ENPP6: variants seen among roughly 807,000 people sequenced by gnomAD.
The protein encoded by ENPP6 is ectonucleotide pyrophosphatase/phosphodiesterase 6.
ENPP6 carries 32 observed loss-of-function variants against 42.0 expected under a neutral mutation model. The ratio of observed to expected loss-of-function variants is 0.76; its 90% CI spans 0.58 to 1.02. ENPP6 has a LOEUF of 1.02. Among genes scored for constraint, ENPP6 ranks in the 50% least tolerant of loss-of-function variants. ENPP6 has a pLI of 0.00. For synonymous variants in ENPP6, 213 were observed against 216.0 expected (o/e 0.99, Z 0.12); for missense variants, 552 against 566.8 (o/e 0.97, Z 0.27).
intron 2 of ENPP6, among the ~76,000 whole-genome samples, chr4:184,129,291 TACACACAC>T (rs60982411): frequency 0.016 from 2,312 of 145,354 alleles, 38 homozygotes; most frequent in African/African-American, 0.028. Context: ...CCCCCCAACA[TACACACAC>T]ACACACACAC....
rs1732600606 is a variant in ENPP6, at chr4:184,184,544, G to A, written c.242-30811C>T. ...AAAGCAAATCGTGGCTCCACAACCT[G>A]TGTCTACCCAGAACCTGCGGAAGTG... is the stretch of plus-strand genomic sequence containing the variant. On this transcript the variant is annotated intron_variant, in intron 1 of 7. Transcript: ENST00000296741. This position sits in a 1 kb window ranked among gnomAD's most constrained non-coding sequence, Gnocchi z 4.7. Among the ~76,000 whole-genome samples the A allele has an allele frequency of 6.6e-6, 1 of 152,200 alleles. No individual in the cohort carries two copies. Among genetic ancestry groups the A allele is most frequent in the Non-Finnish European group, 1.5e-5 (1 of 68,036 alleles).
chr4:184,116,905 T>A lies in ENPP6; in HGVS notation c.806A>T (p.Asp269Val). ...CCAAAGGCTCACAACAGGCCCGCGG[T>A]CCTTCACTTGCTGCAGGTCATTCAG... ...ISLNDLQQVKDRGPVVSLWPA... is the reference protein window; with the variant it reads ...ISLNDLQQVKVRGPVVSLWPA... Residue 269 changes from aspartate to valine, a missense_variant, in exon 5 of 8, where the codon GAC becomes GTC. Around this residue, in one of 2 missense-constraint regions of ENPP6, gnomAD observed 545 missense variants for 546.3 expected, o/e 1.00. Transcript: ENST00000296741. 1 of 1,614,172 alleles carries A rather than the reference T, an allele frequency of 6.2e-7. No individual in the cohort carries two copies. Among genetic ancestry groups the A allele is most frequent in the East Asian group, 2.2e-5 (1 of 44,886 alleles).
intron 1 of ENPP6, among the ~76,000 whole-genome samples, chr4:184,176,626 C>T (rs557424675): frequency 1.3e-4 from 20 of 152,254 alleles, no homozygotes; most frequent in Admixed American, 5.2e-4. Context: ...ACGGGGCCAC[C>T]GAGCTACGTT....
At chr4:184,189,911 G>C (rs939544553) in intron 1 of ENPP6, among the ~76,000 whole-genome samples, 4 of 152,216 alleles carry the variant, frequency 2.6e-5, no homozygotes, top group African/African-American at 7.2e-5. Context: ...GAACTCGTGT[G>C]AGGAGACAAG....
intron 1 of ENPP6, among the ~76,000 whole-genome samples, chr4:184,171,384 G>T (rs1398529611): frequency 2.0e-5 from 3 of 152,224 alleles, no homozygotes; most frequent in Non-Finnish European, 1.5e-5. Context: ...CCCAGATCCA[G>T]AAGTTACATA....
intron 1 of ENPP6, among the ~76,000 whole-genome samples, chr4:184,167,627 G>A (rs568911562): frequency 2.0e-5 from 3 of 152,304 alleles, no homozygotes; most frequent in Admixed American, 6.5e-5. Flanking sequence ...GTGGAAGCAA[G>A]CTCATTTTTG....
At position 184,164,801 on chromosome 4, in the gene ENPP6, G is replaced by A. The variant is rs530617578; in HGVS notation, c.242-11068C>T. ...CCCGCTTTCCAGGTAAAGTAACTGA[G>A]GGGCAGAGAAGGTGAGTTGCCTGAA... On this transcript the variant is annotated intron_variant, in intron 1 of 7. Transcript: ENST00000296741. Among the ~76,000 whole-genome samples the A allele has an allele frequency of 2.6e-5, 4 of 152,328 alleles. No individual in the cohort carries two copies. The East Asian group carries it at 5.8e-4, about 22-fold the overall frequency.
intron 1 of ENPP6, among the ~76,000 whole-genome samples, chr4:184,157,156 G>A (rs1560995591): frequency 6.6e-6 from 1 of 152,204 alleles, no homozygotes; most frequent in Non-Finnish European, 1.5e-5. Context: ...CAAGAGTTCT[G>A]TTGAGTAGAT....
chr4:184,130,505 C>A (rs1446666745), intron 2 of ENPP6, among the ~76,000 whole-genome samples: 1 of 78,850 alleles, frequency 1.3e-5, no homozygotes, highest in Non-Finnish European at 2.9e-5. Flanking sequence ...TTGCAGTGAG[C>A]CGAGATCACA....
chr4:184,109,684 A>G (rs1736167072), intron 6 of ENPP6, among the ~76,000 whole-genome samples: 1 of 152,158 alleles, frequency 6.6e-6, no homozygotes, highest in East Asian at 1.9e-4. Flanking sequence ...ATTACCTCAA[A>G]TCTTCCTTTG....
intron 6 of ENPP6, among the ~76,000 whole-genome samples, chr4:184,110,797 A>C (rs1248355797): frequency 6.6e-6 from 1 of 152,158 alleles, no homozygotes; most frequent in Admixed American, 6.5e-5. Flanking sequence ...TGGGATAGTA[A>C]ATCCTTTTTG....
At chr4:184,131,820 CACACATATAT>C (rs1736640788) in intron 2 of ENPP6, among the ~76,000 whole-genome samples, 1 of 141,156 alleles carries the variant, frequency 7.1e-6, no homozygotes, top group Non-Finnish European at 1.5e-5. Context: ...CACACACACA[CACACATATAT>C]ATATATATAA....
At chr4:184,126,163 T>C in intron 2 of ENPP6, among the ~76,000 whole-genome samples, 1 of 152,214 alleles carries the variant, frequency 6.6e-6, no homozygotes, top group East Asian at 1.9e-4. Flanking sequence ...TATAAAACTA[T>C]AAATGTTTTT....
At chr4:184,212,008 T>C (rs1191489498) in intron 1 of ENPP6, among the ~76,000 whole-genome samples, 1 of 149,500 alleles carries the variant, frequency 6.7e-6, no homozygotes, top group African/African-American at 2.5e-5. Flanking sequence ...TCTCAATAGA[T>C]GCAGAAAAAG....
intron 6 of ENPP6, among the ~76,000 whole-genome samples, chr4:184,102,181 T>C (rs923581613): frequency 6.6e-6 from 1 of 152,220 alleles, no homozygotes; most frequent in Non-Finnish European, 1.5e-5. Context: ...TACAGTTTGT[T>C]CGACACTTGC....
At chr4:184,123,139 G>C (rs1277608976) in intron 3 of ENPP6, among the ~76,000 whole-genome samples, 1 of 152,236 alleles carries the variant, frequency 6.6e-6, no homozygotes, top group Non-Finnish European at 1.5e-5. Context: ...AGTGAAGGCA[G>C]GGTGCTGTTT....
intron 1 of ENPP6, among the ~76,000 whole-genome samples, chr4:184,160,570 T>C (rs1419026010): frequency 1.3e-5 from 2 of 152,354 alleles, no homozygotes; most frequent in Middle Eastern, 3.4e-3. Context: ...GCAGAGAGTG[T>C]GTGTGCATGC....
chr4:184,167,750 C>T (rs1423887278), intron 1 of ENPP6, among the ~76,000 whole-genome samples: 6 of 152,142 alleles, frequency 3.9e-5, no homozygotes, highest in Non-Finnish European at 5.9e-5. Context: ...GTGAGAGCAG[C>T]CTCTCAAGTC....
chr4:184,128,486 G>A (rs1320654962), intron 2 of ENPP6, among the ~76,000 whole-genome samples: 1 of 152,044 alleles, frequency 6.6e-6, no homozygotes, highest in South Asian at 2.1e-4. Context: ...TGGGCAGTTA[G>A]CCTATTTTTA....
Sources: allele counts gnomAD v4.1 joint callset (sites outside exome capture counted in the v4.1 genomes callset), GRCh38; gene constraint gnomAD v4.1.1; regional missense constraint gnomAD v4.1.1; non-coding constraint Gnocchi (gnomAD v3.1); transcripts MANE v1.5; gene names NCBI Gene and HGNC (gene_info 2026-07-23, HGNC 2026-07-21).